The following SPTA1 variants were observed in gnomAD, a reference collection of about 807,000 sequenced individuals.
The protein encoded by SPTA1 is spectrin alpha, erythrocytic 1, also known as spectrin alpha chain, erythrocytic 1.
A neutral mutation model predicts 324.7 loss-of-function variants in SPTA1; 177 were observed. The ratio of observed to expected loss-of-function variants is 0.55; its 90% CI spans 0.48 to 0.62. The LOEUF is 0.62. Ranked by LOEUF, SPTA1 falls within the 20% of genes least tolerant of loss-of-function variation. SPTA1 has a pLI of 0.00. For synonymous variants in SPTA1, 1,195 were observed against 1,041.3 expected (o/e 1.15, Z -2.84); for missense variants, 3,162 against 2,883.6 (o/e 1.10, Z -2.21).
intron 38 of SPTA1, among the ~76,000 whole-genome samples, chr1:158,635,550 ATAAT>A (rs1303233080): frequency 6.6e-6 from 1 of 152,214 alleles, no homozygotes; most frequent in Non-Finnish European, 1.5e-5. Flanking sequence ...ATAGGGAAAA[ATAAT>A]TCTTCGTCCT....
At chr1:158,616,622 C>T (rs888403774) in intron 47 of SPTA1, among the ~76,000 whole-genome samples, 6 of 151,646 alleles carry the variant, frequency 4.0e-5, no homozygotes, top group South Asian at 2.1e-4. Context: ...ATTGTGTATA[C>T]CATGATTTCT....
At chr1:158,636,375 C>T (rs2101807478) in intron 37 of SPTA1, among the ~76,000 whole-genome samples, 1 of 152,246 alleles carries the variant, frequency 6.6e-6, no homozygotes, top group South Asian at 2.1e-4. Flanking sequence ...TCCCAGATGT[C>T]CCAACCTGCA....
At chr1:158,680,097 T>G (rs1654688907) in intron 5 of SPTA1, among the ~76,000 whole-genome samples, 1 of 152,188 alleles carries the variant, frequency 6.6e-6, no homozygotes, top group Admixed American at 6.6e-5. Flanking sequence ...TTTTCTTAAG[T>G]AAATAAAAGT....
At position 158,611,004 on chromosome 1, in the gene SPTA1, C is replaced by A; in HGVS notation, c.*260G>T. On this transcript the variant is annotated 3_prime_UTR_variant, in exon 52 of 52. Coordinates refer to ENST00000643759, the MANE Select transcript of SPTA1 (RefSeq NM_003126.4). ...GAACAAATAAAAATAGAAACTTTGA[C>A]ACCCCTCAGCAGTGACTAGTTGCAT... 1 of 395,538 alleles carries A rather than the reference C, an allele frequency of 2.5e-6. No homozygotes were observed. Among genetic ancestry groups the A allele is most frequent in the Non-Finnish European group, 4.6e-6 (1 of 215,926 alleles). The allele number at this position is 395,538 out of a possible 1,614,324, so 24.5% of individuals were successfully genotyped here.
intron 30 of SPTA1, 150 bp downstream of exon 30, chr1:158,644,103 C>T (rs1478604632): frequency 1.8e-6 from 2 of 1,086,244 alleles, no homozygotes; most frequent in East Asian, 2.8e-5. Flanking sequence ...CACCACTGCA[C>T]TCCAGCCTGG....
rs547418583 is a variant in SPTA1 at position 158,637,588 on chromosome 1, G to C, written c.5189+445C>G. 1.2e-3 allele frequency among the ~76,000 whole-genome samples: 184 copies of C among 149,292 alleles called. 8 individuals carry two copies. The South Asian group carries it at 0.019, about 16-fold the overall frequency. ...TAGAATGACAAGGTTCTGACCAGCTGTGTAACCAAAAATGGAATGAGTAAT... is the reference window on the plus strand; with the variant it reads ...TAGAATGACAAGGTTCTGACCAGCTCTGTAACCAAAAATGGAATGAGTAAT... On this transcript the variant is annotated intron_variant, in intron 36 of 51. Transcript: ENST00000643759.
In SPTA1 at chr1:158,659,595, A is replaced by ATTTTTTTTTTTTTTTTTTTTTT. The variant is rs1177353050; in HGVS notation, c.2587+1670_2587+1691dup. ...AAAAGAAAATAATAGTCTTAGCATT[A>ATTTTTTTTTTTTTTTTTTTTTT]TTTTTTTTTTTTTTTTTTTTTTTTT... is the stretch of plus-strand genomic sequence containing the variant. On this transcript the variant is annotated intron_variant, in intron 18 of 51. Transcript: ENST00000643759. Among the ~76,000 whole-genome samples the ATTTTTTTTTTTTTTTTTTTTTT allele has an allele frequency of 3.1e-4, 21 of 68,778 alleles. 5 individuals carry two copies. The highest frequency in any genetic ancestry group is 6.7e-4 in the Non-Finnish European group (20 of 30,036). The allele number at this position is 68,778 out of a possible 152,430, so 45.1% of individuals were successfully genotyped here.
rs1209507787 is a variant in SPTA1 at position 158,660,588 on chromosome 1, AAC to A, written c.2587+697_2587+698del. ...TACAAGTATAGTTGAAGATTTAAAA[AAC>A]AGGCGAATTTCTACAGTTGTTGGTT... On this transcript the variant is annotated intron_variant, in intron 18 of 51. Coordinates refer to ENST00000643759, the MANE Select transcript of SPTA1 (RefSeq NM_003126.4). 1.2e-3 allele frequency among the ~76,000 whole-genome samples: 188 copies of A among 152,358 alleles called. 1 individual carries two copies. The highest frequency in any genetic ancestry group is 4.1e-4 in the Non-Finnish European group (28 of 68,032).
chr1:158,639,644 C>T lies in SPTA1; in HGVS notation c.4918G>A (p.Ala1640Thr), dbSNP rs1272797952. 1 of 1,613,778 alleles carries T rather than the reference C, an allele frequency of 6.2e-7. No homozygotes were observed. The highest frequency in any genetic ancestry group is 1.3e-5 in the African/African-American group (1 of 74,902). Residue 1640 changes from alanine (A) to threonine (T), a missense_variant, in exon 35 of 52, where the codon GCT (alanine) becomes ACT (threonine). Coordinates refer to ENST00000643759, the MANE Select transcript of SPTA1 (RefSeq NM_003126.4). Reference sequence around the variant, plus strand: ...TTCTTGAGTAGGTTTCCTGCTGAAGCCAAGTCCCTGGCCTGATCTTTCATG... The same window carrying T: ...TTCTTGAGTAGGTTTCCTGCTGAAGTCAAGTCCCTGGCCTGATCTTTCATG... ...LAMKDQARDL[A>T]SAGNLLKKHQ...
rs55832242 is a variant in SPTA1, at chr1:158,611,131, GCACACACACACACACACACACA to G, written c.*111_*132del. 7.4e-6 allele frequency: 5 copies of G among 671,318 alleles called. No individual in the cohort carries two copies. Among genetic ancestry groups the G allele is most frequent in the African/African-American group, 3.7e-5 (2 of 53,400 alleles). The allele number at this position is 671,318 out of a possible 1,614,324, so 41.6% of individuals were successfully genotyped here. A position where few individuals can be genotyped will look rare whatever the true frequency, so the allele number is the denominator to read the frequency against. On this transcript the variant is annotated 3_prime_UTR_variant, in exon 52 of 52. Coordinates refer to ENST00000643759, the MANE Select transcript of SPTA1 (RefSeq NM_003126.4). ...AAATGTAATATGCACACAAACACAA[GCACACACACACACACACACACA>G]CACACACACACACGAGGCCATCTTT...
intron 33 of SPTA1, among the ~76,000 whole-genome samples, chr1:158,641,919 C>A (rs537704095): frequency 8.7e-4 from 132 of 152,246 alleles, no homozygotes; most frequent in African/African-American, 3.0e-3. Flanking sequence ...CCAAATGTCC[C>A]ACAATGGTAG....
intron 18 of SPTA1, among the ~76,000 whole-genome samples, chr1:158,659,602 T>C (rs1180743438): frequency 3.6e-5 from 1 of 27,978 alleles, no homozygotes; most frequent in Admixed American, 4.3e-4. Flanking sequence ...ATTATTTTTT[T>C]TTTTTTTTTT....
chr1:158,629,766 C>T (rs1650558640), intron 39 of SPTA1, among the ~76,000 whole-genome samples: 1 of 151,834 alleles, frequency 6.6e-6, no homozygotes, highest in Admixed American at 6.6e-5. Context: ...CTGAACACTC[C>T]ATAAAAAACT....
Position 158,645,352 on chromosome 1 carries a change from T to C in SPTA1, c.4030A>G (p.Thr1344Ala). 6.2e-7 allele frequency: 1 copy of C among 1,613,964 alleles called. No homozygotes were observed. The highest frequency in any genetic ancestry group is 8.5e-7 in the Non-Finnish European group (1 of 1,179,942). The change falls in exon 29 of 52, where the codon ACC becomes GCC. Residue 1344 changes from threonine to alanine, a missense_variant. Transcript: ENST00000643759. Reference protein sequence around the residue: ...HRADMEAEAPTFQALEDFSAE... With the variant: ...HRADMEAEAPAFQALEDFSAE... Reference sequence around the variant, plus strand: ...CTGAAGTCCTCTAAGGCCTGGAAGGTGGGAGCCTCTGCCTCCATGTCAGCA... The same window carrying C: ...CTGAAGTCCTCTAAGGCCTGGAAGGCGGGAGCCTCTGCCTCCATGTCAGCA...
At chr1:158,677,324 A>G (rs1654454711) in intron 7 of SPTA1, among the ~76,000 whole-genome samples, 1 of 152,184 alleles carries the variant, frequency 6.6e-6, no homozygotes. Context: ...CTGCAACAGA[A>G]CAAAATGTGG....
At chr1:158,685,470 G>A in intron 1 of SPTA1, 123 bp from the exon 2 acceptor site, 1 of 1,364,808 alleles carries the variant, frequency 7.3e-7, no homozygotes, top group Non-Finnish European at 1.0e-6. Context: ...AGTTTCTAGG[G>A]ACTATTGTCA....
chr1:158,634,741 G>T, intron 38 of SPTA1, 66 bp from the exon 39 acceptor site: 3 of 1,595,476 alleles, frequency 1.9e-6, no homozygotes, highest in Non-Finnish European at 2.6e-6. Context: ...AGTACAGTGG[G>T]GTGGCACAAT....
intron 8 of SPTA1, among the ~76,000 whole-genome samples, chr1:158,675,864 T>C (rs1387310315): frequency 1.3e-5 from 2 of 152,130 alleles, no homozygotes; most frequent in Non-Finnish European, 2.9e-5. Flanking sequence ...TAATAAGCAA[T>C]TTAAAACTTA....
rs1653845653 is a variant in SPTA1 at position 158,669,465 on chromosome 1, A to G, written c.1776T>C (p.Asp592=). ...TCTTGTTGATCCAGTTCTTTAGGTC[A>G]TCTGAGTCCTCATACAGTTTTTGCA... ...LLLQKLYEDS[D]DLKNWINKKK... Residue 592 remains aspartate, a synonymous_variant, in exon 14 of 52, where the codon GAT becomes GAC. Coordinates refer to ENST00000643759, the MANE Select transcript of SPTA1 (RefSeq NM_003126.4). The G allele has an allele frequency of 1.9e-6, 3 of 1,614,200 alleles. No homozygotes were observed. The highest frequency in any genetic ancestry group is 2.2e-5 in the East Asian group (1 of 44,880).
Sources: allele counts gnomAD v4.1 joint callset (sites outside exome capture counted in the v4.1 genomes callset), GRCh38; gene constraint gnomAD v4.1.1; transcripts MANE v1.5; gene names NCBI Gene and HGNC (gene_info 2026-07-23, HGNC 2026-07-21).